Variants in RFT1 observed in about 807,000 individuals in gnomAD.
The protein encoded by RFT1 is man(5)GlcNAc(2)-PP-dolichol translocation protein RFT1.
RFT1 carries 43 observed loss-of-function variants against 62.2 expected under a neutral mutation model. The observed-to-expected ratio is 0.69, with a 90% CI of 0.54 to 0.89. RFT1 has a LOEUF of 0.89. Among genes scored for constraint, RFT1 ranks in the 40% least tolerant of loss-of-function variants. The pLI is 0.00. For missense variants in RFT1, 605 were observed against 649.9 expected (o/e 0.93, Z 0.75); for synonymous variants, 262 against 264.6 (o/e 0.99, Z 0.10).
At chr3:53,110,023 T>C (rs1445760716) in intron 7 of RFT1, among the ~76,000 whole-genome samples, 1 of 152,166 alleles carries the variant, frequency 6.6e-6, no homozygotes, top group Non-Finnish European at 1.5e-5. Context: ...AGCAGGCTCC[T>C]GGCACCACAT....
intron 11 of RFT1, among the ~76,000 whole-genome samples, chr3:53,098,545 G>A (rs1172756363): frequency 2.6e-5 from 4 of 152,150 alleles, no homozygotes; most frequent in African/African-American, 4.8e-5. Context: ...GCTCATGCCT[G>A]TAATCCCGGC....
intron 6 of RFT1, among the ~76,000 whole-genome samples, chr3:53,119,520 T>TA (rs1701906882): frequency 6.6e-6 from 1 of 152,226 alleles, no homozygotes; most frequent in South Asian, 2.1e-4. Flanking sequence ...GCATAGGGTC[T>TA]AGCACAGTGG....
intron 9 of RFT1, among the ~76,000 whole-genome samples, chr3:53,105,021 A>G (rs1575488767): frequency 1.3e-5 from 2 of 152,218 alleles, no homozygotes; most frequent in Non-Finnish European, 2.9e-5. Context: ...TGAGACTCTG[A>G]GGATAAGGGA....
chr3:53,078,355 G>T, the RFT1 span: 1 of 152,212 alleles, frequency 6.6e-6, no homozygotes, highest in East Asian at 1.9e-4. Context: ...GGCACTGGTT[G>T]CCCTCAGGAT....
At chr3:53,103,596 G>A (rs1701377144) in intron 10 of RFT1, 1 of 353,868 alleles carries the variant, frequency 2.8e-6, no homozygotes, top group African/African-American at 2.1e-5. Flanking sequence ...TTAGTACCAA[G>A]TGGAGACTCA....
chr3:53,099,190 C>T (rs569754755), intron 11 of RFT1, among the ~76,000 whole-genome samples, 191 bp downstream of exon 11: 142 of 152,332 alleles, frequency 9.3e-4, no homozygotes, highest in Non-Finnish European at 6.8e-4. Context: ...CCCAGCCCTA[C>T]AGTGGGGAGC....
chr3:53,075,494 C>A, the RFT1 span, among the ~76,000 whole-genome samples: 3 of 152,208 alleles, frequency 2.0e-5, no homozygotes, highest in Non-Finnish European at 4.4e-5. Context: ...TTCTCATGGG[C>A]AGCCTCTGTG....
the RFT1 span, among the ~76,000 whole-genome samples, chr3:53,069,098 C>T: frequency 3.9e-5 from 6 of 152,182 alleles, no homozygotes; most frequent in East Asian, 1.9e-4. Flanking sequence ...TGCCACTACG[C>T]GTGGCTAATT....
At chr3:53,067,572 C>T in the RFT1 span, among the ~76,000 whole-genome samples, 5 of 152,108 alleles carry the variant, frequency 3.3e-5, no homozygotes, top group South Asian at 4.1e-4. Context: ...CACGGTTACA[C>T]AGGTGTGCAC....
At chr3:53,078,896 C>G in the RFT1 span, among the ~76,000 whole-genome samples, 2 of 152,194 alleles carry the variant, frequency 1.3e-5, no homozygotes, top group Non-Finnish European at 2.9e-5. Context: ...TTCCTTGGCC[C>G]CACAATGGCC....
At chr3:53,108,703 G>GT (rs755150404) in intron 7 of RFT1, among the ~76,000 whole-genome samples, 8,741 of 140,110 alleles carry the variant, frequency 0.062, 760 homozygotes, top group African/African-American at 0.2. Context: ...TCTTTAAATG[G>GT]TTTTTTTTTT....
chr3:53,127,303 T>C (rs927510090), intron 1 of RFT1, among the ~76,000 whole-genome samples: 1 of 152,208 alleles, frequency 6.6e-6, no homozygotes, highest in Non-Finnish European at 1.5e-5. Flanking sequence ...CTTCTAATTG[T>C]TATAAGCCTC....
the RFT1 span, among the ~76,000 whole-genome samples, chr3:53,075,736 T>A: frequency 2.0e-5 from 3 of 152,128 alleles, no homozygotes; most frequent in Non-Finnish European, 4.4e-5. Context: ...AGGGCTGACC[T>A]TAGCCTCCTC....
intron 10 of RFT1, 124 bp downstream of exon 10, chr3:53,103,829 C>T (rs1701384390): frequency 8.2e-7 from 1 of 1,221,484 alleles, no homozygotes; most frequent in East Asian, 2.4e-5. Context: ...ACAGCCCCTG[C>T]CACCAGACAG....
chr3:53,105,444 A>G (rs1467176202), intron 9 of RFT1, among the ~76,000 whole-genome samples: 2 of 146,884 alleles, frequency 1.4e-5, no homozygotes, highest in Non-Finnish European at 3.0e-5. Flanking sequence ...GTAAGGTCAC[A>G]ACGAATAACA....
chr3:53,083,408 T>C, the RFT1 span, among the ~76,000 whole-genome samples: 8 of 145,490 alleles, frequency 5.5e-5, no homozygotes, highest in African/African-American at 2.1e-4. Flanking sequence ...GGTGGGAGGA[T>C]CTCTTGAGCC....
At chr3:53,120,153 T>C in intron 5 of RFT1, 132 bp from the exon 6 acceptor site, 1 of 750,522 alleles carries the variant, frequency 1.3e-6, no homozygotes, top group African/African-American at 1.8e-5. Context: ...CCTTACCCTC[T>C]GGGAAATGGC....
intron 10 of RFT1, among the ~76,000 whole-genome samples, chr3:53,102,950 A>G (rs372129940): frequency 2.0e-5 from 3 of 152,320 alleles, no homozygotes; most frequent in African/African-American, 7.2e-5. Context: ...TCGAGTTCCC[A>G]ATCTCTGCCC....
At chr3:53,093,890 T>C (rs1488466324) in intron 11 of RFT1, among the ~76,000 whole-genome samples, 1 of 152,128 alleles carries the variant, frequency 6.6e-6, no homozygotes, top group Non-Finnish European at 1.5e-5. Flanking sequence ...GATATACACC[T>C]GTTGTCCCAG....
Sources: allele counts gnomAD v4.1 joint callset (sites outside exome capture counted in the v4.1 genomes callset), GRCh38; gene constraint gnomAD v4.1.1; transcripts MANE v1.5; gene names NCBI Gene and HGNC (gene_info 2026-07-23, HGNC 2026-07-21).